Variants in SHQ1 observed in about 807,000 individuals in gnomAD.
The protein encoded by SHQ1 is SHQ1, H/ACA ribonucleoprotein assembly factor.
SHQ1 carries 49 observed loss-of-function variants against 53.8 expected under a neutral mutation model. That is an observed-to-expected ratio of 0.91 (90% CI 0.72 to 1.16). The LOEUF (loss-of-function observed/expected upper bound fraction) is 1.16, where lower values mean the gene tolerates loss of function less well. Among genes scored for constraint, SHQ1 ranks in the 50% most tolerant of loss-of-function variants. The pLI is 0.00. For missense variants in SHQ1, 738 were observed against 683.1 expected (o/e 1.08, Z -0.90); for synonymous variants, 243 against 251.0 (o/e 0.97, Z 0.30).
the SHQ1 span, among the ~76,000 whole-genome samples, chr3:72,741,177 C>T: frequency 2.6e-5 from 4 of 152,288 alleles, no homozygotes; most frequent in East Asian, 5.8e-4. Flanking sequence ...GGCCAGCTGA[C>T]CCCACAGTCG....
chr3:72,791,515 A>G (rs1247852839), intron 10 of SHQ1, among the ~76,000 whole-genome samples: 2 of 152,214 alleles, frequency 1.3e-5, no homozygotes, highest in African/African-American at 2.4e-5. Flanking sequence ...TCCCCCATGA[A>G]GAGAAATAAA....
rs371779807 is a variant in SHQ1 at position 72,751,508 on chromosome 3, G to GTATA, written c.1182-676_1182-673dup. Among the ~76,000 whole-genome samples, 377 of 116,978 alleles carry GTATA rather than the reference G, an allele frequency of 3.2e-3. 9 individuals are homozygous for GTATA. The highest frequency in any genetic ancestry group is 0.015 in the African/African-American group (334 of 22,606). 76.7% of individuals were successfully genotyped at this position (116,978 alleles called of 152,430 possible). On this transcript the variant is annotated intron_variant, in intron 10 of 10. Transcript: ENST00000325599. ...TGTGTGTGTGTGTGTGTGTGTGTGTGTATATATATATATATATATATACAT... is the reference window on the plus strand; with the variant it reads ...TGTGTGTGTGTGTGTGTGTGTGTGTGTATATATATATATATATATATATATACAT...
chr3:72,844,695 CTAT>C (rs1247314891), intron 1 of SHQ1, among the ~76,000 whole-genome samples: 1 of 152,162 alleles, frequency 6.6e-6, no homozygotes, highest in African/African-American at 2.4e-5. Context: ...GTAGTTATCA[CTAT>C]TGTTATAACA....
At chr3:72,752,715 G>A (rs1705414438) in intron 10 of SHQ1, among the ~76,000 whole-genome samples, 1 of 152,108 alleles carries the variant, frequency 6.6e-6, no homozygotes, top group Admixed American at 6.6e-5. Context: ...TTTTAGTAGA[G>A]ACAGGGTTTC....
intron 6 of SHQ1, among the ~76,000 whole-genome samples, chr3:72,823,148 CAAAAAAA>C (rs772618429): frequency 2.6e-5 from 2 of 76,272 alleles, no homozygotes; most frequent in African/African-American, 4.8e-5. Flanking sequence ...GACTCCGTCT[CAAAAAAA>C]AAAAAAAAAA....
rs758136189 is a variant in SHQ1, at chr3:72,750,521, G to T, written c.1497C>A (p.Ser499Arg). ...SSLQGPFLEE[S>R]SAFLIVDGGV... ...CACCATCAACAATAAGAAAGGCACT[G>T]CTTTCTTCAAGAAAGGGACCTTGCA... The change falls in exon 11 of 11, where the codon AGC (serine) becomes AGA (arginine). Residue 499 changes from serine to arginine, a missense_variant. Physicochemically the swap from Ser to Arg is moderately radical, Grantham distance 110 (BLOSUM62 -1). Transcript: ENST00000325599. 3.7e-6 allele frequency: 6 copies of T among 1,613,922 alleles called. No individual in the cohort carries two copies. In the Admixed American group the frequency reaches 6.7e-5, roughly 18 times the overall value.
chr3:72,782,747 T>A (rs549554378), intron 10 of SHQ1, among the ~76,000 whole-genome samples: 2 of 152,340 alleles, frequency 1.3e-5, no homozygotes, highest in South Asian at 2.1e-4. Flanking sequence ...TCAGCTTTTT[T>A]AAAAAGCTTT....
the SHQ1 span, among the ~76,000 whole-genome samples, chr3:72,730,437 A>G: frequency 2.6e-5 from 4 of 152,230 alleles, no homozygotes; most frequent in Non-Finnish European, 1.5e-5. Flanking sequence ...AAATGTATTT[A>G]CATTAACAAA....
At chr3:72,772,470 T>A (rs1394690837) in intron 10 of SHQ1, 1 of 478,726 alleles carries the variant, frequency 2.1e-6, no homozygotes, top group Non-Finnish European at 3.9e-6. Flanking sequence ...CTCATCTGGA[T>A]CTTCAAATGC....
intron 7 of SHQ1, among the ~76,000 whole-genome samples, chr3:72,816,327 C>A (rs866777604): frequency 1.2e-4 from 19 of 152,194 alleles, no homozygotes; most frequent in Non-Finnish European, 2.4e-4. Flanking sequence ...CATGTAACAG[C>A]GGTTATATTT....
chr3:72,794,886 C>T (rs1706556257), intron 9 of SHQ1: 1 of 152,140 alleles, frequency 6.6e-6, no homozygotes, highest in South Asian at 2.1e-4. Context: ...TGGGGAAAGT[C>T]CTCCCCATAA....
chr3:72,740,761 T>A, the SHQ1 span, among the ~76,000 whole-genome samples: 1 of 152,108 alleles, frequency 6.6e-6, no homozygotes, highest in Non-Finnish European at 1.5e-5. Flanking sequence ...TGACAGCAAC[T>A]CCACGTGTCT....
intron 10 of SHQ1, among the ~76,000 whole-genome samples, chr3:72,774,365 CA>C (rs1553690138): frequency 6.6e-6 from 1 of 151,648 alleles, no homozygotes; most frequent in Non-Finnish European, 1.5e-5. Context: ...TGCAACACAG[CA>C]GCTAACAATT....
chr3:72,831,295 A>G (rs1327368258), intron 5 of SHQ1, among the ~76,000 whole-genome samples: 1 of 152,216 alleles, frequency 6.6e-6, no homozygotes, highest in Non-Finnish European at 1.5e-5. Flanking sequence ...CATTCCAATT[A>G]GTATCCTACT....
At position 72,834,079 on chromosome 3, in the gene SHQ1, T is replaced by C. The variant is rs188424455; in HGVS notation, c.487-1598A>G. Among the ~76,000 whole-genome samples, 19 of 152,356 alleles carry C rather than the reference T, an allele frequency of 1.2e-4. 1 individual carries two copies. The highest frequency in any genetic ancestry group is 3.3e-4 in the Admixed American group (5 of 15,308). ...CAAATGTGAGCAATGCTGAATCAGT[T>C]AGAGATAGGATAGAGCCTCTCCAAT... On this transcript the variant is annotated intron_variant, in intron 4 of 10. Coordinates refer to ENST00000325599, the MANE Select transcript of SHQ1 (RefSeq NM_018130.3).
intron 6 of SHQ1, 102 bp downstream of exon 6, chr3:72,824,322 T>C (rs1008922297): frequency 3.7e-6 from 5 of 1,365,412 alleles, no homozygotes; most frequent in Non-Finnish European, 5.0e-6. Flanking sequence ...TTTAACATTA[T>C]AAGGCAATTA....
In SHQ1 at chr3:72,757,137, A is replaced by G. The variant is rs149173841; in HGVS notation, c.1182-6301T>C. 5.8e-4 allele frequency among the ~76,000 whole-genome samples: 88 copies of G among 152,336 alleles called. No homozygotes were observed. In the East Asian group the frequency reaches 9.8e-3, roughly 17 times the overall value. On this transcript the variant is annotated intron_variant, in intron 10 of 10. Transcript: ENST00000325599. The stretch of plus-strand genomic sequence containing the variant: ...CACTTCCTGCAATAGCAGGTCTACT[A>G]TAAATCTCAGAGTAACCGACTAGGT...
intron 10 of SHQ1, among the ~76,000 whole-genome samples, chr3:72,775,508 A>G (rs1366130256): frequency 2.8e-5 from 4 of 143,696 alleles, no homozygotes; most frequent in African/African-American, 1.0e-4. Context: ...CAAGGAATGT[A>G]TCATTTCAAT....
the SHQ1 span, among the ~76,000 whole-genome samples, chr3:72,742,793 T>G: frequency 6.6e-6 from 1 of 151,866 alleles, no homozygotes; most frequent in Non-Finnish European, 1.5e-5. Context: ...TCCGGCTAAT[T>G]TTTTTGTATT....
Sources: allele counts gnomAD v4.1 joint callset (sites outside exome capture counted in the v4.1 genomes callset), GRCh38; gene constraint gnomAD v4.1.1; transcripts MANE v1.5; gene names NCBI Gene and HGNC (gene_info 2026-07-23, HGNC 2026-07-21).